CENPP: variants seen among roughly 807,000 people sequenced by gnomAD.
CENPP encodes centromere protein P.
A neutral mutation model predicts 35.6 loss-of-function variants in CENPP; 24 were observed. That is an observed-to-expected ratio of 0.67 (90% CI 0.49 to 0.95). The LOEUF is 0.95. Among genes scored for constraint, CENPP ranks in the 40% least tolerant of loss-of-function variants. CENPP has a pLI of 0.00. For missense variants in CENPP, 332 were observed against 345.3 expected, an observed-to-expected ratio of 0.96 and a Z score of 0.31; for synonymous variants, 120 against 125.5, an observed-to-expected ratio of 0.96 and a Z score of 0.29.
In CENPP at chr9:92,565,293, T is replaced by TAAAAAAAAA. The variant is rs3078380; in HGVS notation, c.565-45999_565-45991dup. Among the ~76,000 whole-genome samples the TAAAAAAAAA allele has an allele frequency of 5.1e-4, 17 of 33,150 alleles. 2 individuals are homozygous for TAAAAAAAAA. The highest frequency in any genetic ancestry group is 1.4e-3 in the East Asian group (1 of 690). The allele number at this position is 33,150 out of a possible 152,430, so 21.7% of individuals were successfully genotyped here. On this transcript the variant is annotated intron_variant, in intron 5 of 7. Coordinates refer to ENST00000375587, the MANE Select transcript of CENPP (RefSeq NM_001012267.3). Reference sequence around the variant, plus strand: ...ACTAACACTATGATAGCTGATGAGCTAAAAAAAAAAAAAAAAAAAAAAAAA... The same window carrying TAAAAAAAAA: ...ACTAACACTATGATAGCTGATGAGCTAAAAAAAAAAAAAAAAAAAAAAAAAAAAAAAAAA...
intron 5 of CENPP, among the ~76,000 whole-genome samples, chr9:92,451,467 G>T (rs1448185817): frequency 6.7e-6 from 1 of 149,736 alleles, no homozygotes; most frequent in African/African-American, 2.4e-5. Flanking sequence ...TCTCTGTTTT[G>T]GTACCAGTAC....
In CENPP at chr9:92,416,392, A is replaced by G. The variant is rs562891149; in HGVS notation, c.564+36533A>G. 3.4e-4 allele frequency among the ~76,000 whole-genome samples: 51 copies of G among 152,226 alleles called. No homozygotes were observed. In the South Asian group the frequency reaches 0.01, roughly 31 times the overall value. On this transcript the variant is annotated intron_variant, in intron 5 of 7. Coordinates refer to ENST00000375587, the MANE Select transcript of CENPP (RefSeq NM_001012267.3). ...AGTGCTCTGATTACAGGCATGAGCC[A>G]CCACGCCCAGCCTATTTCTCAATAT...
At chr9:92,535,893 C>T (rs1376588570) in intron 5 of CENPP, 1 of 446,624 alleles carries the variant, frequency 2.2e-6, no homozygotes, top group Non-Finnish European at 4.2e-6. Context: ...AAAACCATTC[C>T]ACATGCTAAG....
chr9:92,432,077 C>A (rs1313051208), intron 5 of CENPP, among the ~76,000 whole-genome samples: 1 of 152,114 alleles, frequency 6.6e-6, no homozygotes, highest in Admixed American at 6.5e-5. Flanking sequence ...GTAATCCCAA[C>A]ACTTTGGGAA....
chr9:92,332,664 C>T (rs1249234833), intron 2 of CENPP, among the ~76,000 whole-genome samples: 5 of 152,022 alleles, frequency 3.3e-5, no homozygotes, highest in Admixed American at 1.3e-4. Context: ...AAAAATTAGC[C>T]GGATGTGTTG....
At chr9:92,542,597 ATC>A (rs1849341982) in intron 5 of CENPP, among the ~76,000 whole-genome samples, 1 of 151,936 alleles carries the variant, frequency 6.6e-6, no homozygotes, top group Non-Finnish European at 1.5e-5. Flanking sequence ...GCTCACTGCA[ATC>A]TCTGCCTCCC....
intron 4 of CENPP, among the ~76,000 whole-genome samples, chr9:92,355,797 T>C (rs924701108): frequency 2.0e-5 from 3 of 152,244 alleles, no homozygotes; most frequent in Admixed American, 1.3e-4. Context: ...AATGGACCCT[T>C]GTGGAACATT....
intron 5 of CENPP, among the ~76,000 whole-genome samples, chr9:92,532,872 G>A (rs764781016): frequency 1.3e-5 from 2 of 152,078 alleles, no homozygotes; most frequent in African/African-American, 2.4e-5. Context: ...TATACCTGAT[G>A]ACCTTTGATG....
chr9:92,614,497 C>T lies in CENPP; in HGVS notation c.*1348C>T, dbSNP rs913602864. On this transcript the variant is annotated 3_prime_UTR_variant, in exon 8 of 8. Transcript: ENST00000375587. The stretch of plus-strand genomic sequence containing the variant: ...CCAGTTAGATAAGTATCTTTTTGCA[C>T]CTCTGAGAGTAGAATTAGAAGTAAA... 4 of 152,568 alleles carry T rather than the reference C, an allele frequency of 2.6e-5. No individual in the cohort carries two copies. Among genetic ancestry groups the T allele is most frequent in the African/African-American group, 9.7e-5 (4 of 41,438 alleles). 9.5% of individuals were successfully genotyped at this position (152,568 alleles called of 1,614,324 possible). A position where few individuals can be genotyped will look rare whatever the true frequency, so the allele number is the denominator to read the frequency against.
At chr9:92,475,553 A>G (rs1359727745) in intron 5 of CENPP, among the ~76,000 whole-genome samples, 1 of 152,240 alleles carries the variant, frequency 6.6e-6, no homozygotes, top group African/African-American at 2.4e-5. Flanking sequence ...GTAAAAACAG[A>G]AACAGATTAT....
intron 5 of CENPP, among the ~76,000 whole-genome samples, chr9:92,598,745 G>T (rs7851169): frequency 0.11 from 16,253 of 144,626 alleles, 950 homozygotes; most frequent in Middle Eastern, 0.15. Context: ...AACTGAAGGG[G>T]TTTTTTTTTT....
intron 5 of CENPP, among the ~76,000 whole-genome samples, chr9:92,410,393 G>A (rs759223897): frequency 2.6e-5 from 4 of 152,178 alleles, no homozygotes; most frequent in Non-Finnish European, 5.9e-5. Context: ...AGGAGCCAGA[G>A]CAGAGTTGAA....
rs1264250191 is a variant in CENPP at position 92,620,514 on chromosome 9, C to CAGTT, written c.*7366_*7369dup. On this transcript the variant is annotated 3_prime_UTR_variant, in exon 8 of 8. Coordinates refer to ENST00000375587, the MANE Select transcript of CENPP (RefSeq NM_001012267.3). ...TAGCTCTCGCTTTCACAAAAATAAACAGTTGTAAAAGAAAAGGAATTGGGC... is the reference window on the plus strand; with the variant it reads ...TAGCTCTCGCTTTCACAAAAATAAACAGTTAGTTGTAAAAGAAAAGGAATTGGGC... The CAGTT allele has an allele frequency of 2.0e-5, 3 of 152,200 alleles. No homozygotes were observed. The highest frequency in any genetic ancestry group is 4.8e-5 in the African/African-American group (2 of 41,440). The allele number at this position is 152,200 out of a possible 1,614,324, so 9.4% of individuals were successfully genotyped here.
chr9:92,418,362 C>T (rs1369274905), intron 5 of CENPP, among the ~76,000 whole-genome samples: 2 of 151,976 alleles, frequency 1.3e-5, no homozygotes. Context: ...GCTGGGATTA[C>T]AGGCGTGAGC....
intron 5 of CENPP, chr9:92,493,956 C>T (rs942489604): frequency 1.6e-5 from 12 of 747,604 alleles, no homozygotes; most frequent in East Asian, 2.8e-5. Context: ...TAATCCAGGC[C>T]GTTGAGGGTG....
At chr9:92,536,559 TAGAA>T (rs1849175308) in intron 5 of CENPP, 1 of 152,644 alleles carries the variant, frequency 6.6e-6, no homozygotes, top group African/African-American at 2.4e-5. Context: ...CATGAAATAA[TAGAA>T]AGAAAATGTG....
chr9:92,385,553 T>A lies in CENPP; in HGVS notation c.564+5694T>A. ...AATATTAAACCAATACTTAAGTTCC[T>A]TTACTCATTGTTGAGACAGACTATT... On this transcript the variant is annotated intron_variant, in intron 5 of 7. Coordinates refer to ENST00000375587, the MANE Select transcript of CENPP (RefSeq NM_001012267.3). 3.6e-6 allele frequency: 5 copies of A among 1,372,596 alleles called. 1 individual carries two copies. Among genetic ancestry groups the A allele is most frequent in the Middle Eastern group, 1.8e-4 (1 of 5,436 alleles). The allele number at this position is 1,372,596 out of a possible 1,614,324, so 85.0% of individuals were successfully genotyped here.
At chr9:92,362,973 C>T (rs1841797499) in intron 4 of CENPP, among the ~76,000 whole-genome samples, 1 of 152,162 alleles carries the variant, frequency 6.6e-6, no homozygotes, top group East Asian at 1.9e-4. Flanking sequence ...AAGCCGGCTC[C>T]TGAATCCATG....
At chr9:92,559,317 G>A (rs1321141978) in intron 5 of CENPP, among the ~76,000 whole-genome samples, 2 of 152,188 alleles carry the variant, frequency 1.3e-5, no homozygotes, top group East Asian at 3.8e-4. Context: ...CTCTACCCCT[G>A]TATTTCACTG....
Sources: allele counts gnomAD v4.1 joint callset (sites outside exome capture counted in the v4.1 genomes callset), GRCh38; gene constraint gnomAD v4.1.1; transcripts MANE v1.5; gene names NCBI Gene and HGNC (gene_info 2026-07-23, HGNC 2026-07-21).